The following NDOR1 variants were observed in gnomAD, a reference collection of about 807,000 sequenced individuals.
NDOR1 encodes the protein NADPH dependent diflavin oxidoreductase 1, also known as NADPH-dependent diflavin oxidoreductase 1.
A neutral mutation model predicts 67.2 loss-of-function variants in NDOR1; 61 were observed. The observed-to-expected ratio is 0.91, with a 90% CI of 0.74 to 1.12. The LOEUF is 1.12. NDOR1 is among the 50% of genes most tolerant of loss of function. NDOR1 has a pLI of 0.00. For missense variants in NDOR1, 878 were observed against 802.8 expected (o/e 1.09, Z -1.13); for synonymous variants, 378 against 343.7 (o/e 1.10, Z -1.10).
intron 2 of NDOR1, among the ~76,000 whole-genome samples, chr9:137,211,751 C>T (rs1315093732): frequency 6.6e-6 from 1 of 151,944 alleles, no homozygotes; most frequent in African/African-American, 2.4e-5. Flanking sequence ...TGTGGGCTGA[C>T]AAGGCCAGGG....
At chr9:137,209,259 G>A (rs1464349344) in intron 2 of NDOR1, among the ~76,000 whole-genome samples, 1 of 152,172 alleles carries the variant, frequency 6.6e-6, no homozygotes, top group Non-Finnish European at 1.5e-5. Flanking sequence ...GGCAGGGGAT[G>A]TGCAGCGGCT....
rs1394219172 is a variant in NDOR1 at position 137,218,750 on chromosome 9, T to C, written c.*2334T>C. On this transcript the variant is annotated 3_prime_UTR_variant, in exon 14 of 14. Coordinates refer to ENST00000684003, the MANE Select transcript of NDOR1 (RefSeq NM_014434.4). ...AGTGGCCTTCAATCAAGACCTCCCA[T>C]TGCTGAACCCACAACCAGGGCTACC... is the stretch of plus-strand genomic sequence containing the variant. 2 of 397,022 alleles carry C rather than the reference T, an allele frequency of 5.0e-6. No homozygotes were observed. The highest frequency in any genetic ancestry group is 8.9e-6 in the Non-Finnish European group (2 of 225,596). 24.6% of individuals were successfully genotyped at this position (397,022 alleles called of 1,614,324 possible). A position where few individuals can be genotyped will look rare whatever the true frequency, so the allele number is the denominator to read the frequency against.
At position 137,214,943 on chromosome 9, in the gene NDOR1, G is replaced by C; in HGVS notation, c.990G>C (p.Leu330=). The C allele has an allele frequency of 6.2e-7, 1 of 1,613,492 alleles. No individual in the cohort carries two copies. Among genetic ancestry groups the C allele is most frequent in the Non-Finnish European group, 8.5e-7 (1 of 1,180,032 alleles). ...TCCATGAGCTGGAGCGGGAGAAGCTGCTGGAGTTCAGTTCTGCCCAAGGCC... is the reference window on the plus strand; with the variant it reads ...TCCATGAGCTGGAGCGGGAGAAGCTCCTGGAGTTCAGTTCTGCCCAAGGCC... ...LSLHELEREK[L]LEFSSAQGQE... is the part of the protein sequence containing the mutation. The change falls in exon 8 of 14, where the codon CTG becomes CTC. Residue 330 remains leucine, a synonymous_variant. Transcript: ENST00000684003.
At position 137,205,873 on chromosome 9, in the gene NDOR1, G is replaced by A. The variant is rs375111678; in HGVS notation, c.96G>A (p.Arg32=). The change falls in exon 1 of 14, where the codon CGG becomes CGA. Residue 32 remains arginine (R), a synonymous_variant. Coordinates refer to ENST00000684003, the MANE Select transcript of NDOR1 (RefSeq NM_014434.4). ...ERLGREARRR[R]LGCRVQALDS... The stretch of plus-strand genomic sequence containing the variant: ...TGGGTCGCGAGGCCCGGCGCCGGCG[G>A]CTTGGCTGCCGGGTGCAGGCCCTGG... 4 of 1,599,578 alleles carry A rather than the reference G, an allele frequency of 2.5e-6. No individual in the cohort carries two copies. Among genetic ancestry groups the A allele is most frequent in the Admixed American group, 3.3e-5 (2 of 59,880 alleles).
In NDOR1 at chr9:137,218,509, G is replaced by A. The variant is rs1203340560; in HGVS notation, c.*2093G>A. 27 of 400,652 alleles carry A rather than the reference G, an allele frequency of 6.7e-5. No homozygotes were observed. The highest frequency in any genetic ancestry group is 1.1e-4 in the Non-Finnish European group (24 of 227,862). The allele number at this position is 400,652 out of a possible 1,614,324, so 24.8% of individuals were successfully genotyped here. ...CCCGCCGCCTGGCGCTGCTGAGCCT[G>A]CTGGCCCTTGAGCTTCTGGGGCTGC... On this transcript the variant is annotated 3_prime_UTR_variant, in exon 14 of 14. Coordinates refer to ENST00000684003, the MANE Select transcript of NDOR1 (RefSeq NM_014434.4).
Position 137,217,198 on chromosome 9 carries a change from C to G in NDOR1, c.*782C>G, listed in dbSNP as rs1835654703. Among the ~76,000 whole-genome samples, 1 of 152,154 alleles carries G rather than the reference C, an allele frequency of 6.6e-6. No homozygotes were observed. Among genetic ancestry groups the G allele is most frequent in the African/African-American group, 2.4e-5 (1 of 41,428 alleles). Reference sequence around the variant, plus strand: ...GGATGGGTGGGCGCCACGGTGCACCCTTGTTGGGCTGCCTGTGCCCGAGTG... The same window carrying G: ...GGATGGGTGGGCGCCACGGTGCACCGTTGTTGGGCTGCCTGTGCCCGAGTG... On this transcript the variant is annotated 3_prime_UTR_variant, in exon 14 of 14. Transcript: ENST00000684003.
chr9:137,215,436 G>C lies in NDOR1; in HGVS notation c.1203G>C (p.Val401=). The change falls in exon 10 of 14, where the codon GTG becomes GTC. Residue 401 remains valine, a synonymous_variant. Transcript: ENST00000684003. ...ACCCCTCACGGCTGCAGATCCTCGT[G>C]GCTGTAGTGCAGTTCCAGACTCGCC... ...LTHPSRLQIL[V]AVVQFQTRLK... The C allele has an allele frequency of 6.2e-7, 1 of 1,613,448 alleles. No individual in the cohort carries two copies. Among genetic ancestry groups the C allele is most frequent in the Non-Finnish European group, 8.5e-7 (1 of 1,179,940 alleles).
rs1406385567 is a variant in NDOR1 at position 137,209,402 on chromosome 9, G to A, written c.213+3093G>A. Among the ~76,000 whole-genome samples the A allele has an allele frequency of 2.0e-5, 3 of 152,186 alleles. No homozygotes were observed. The East Asian group carries it at 5.8e-4, about 29-fold the overall frequency. ...GCCCCAGAGCATGGGAGAGGAGAGGGACTGAGGCTGGGCTGGGCATTCAGT... is the reference window on the plus strand; with the variant it reads ...GCCCCAGAGCATGGGAGAGGAGAGGAACTGAGGCTGGGCTGGGCATTCAGT... On this transcript the variant is annotated intron_variant, in intron 2 of 13. Coordinates refer to ENST00000684003, the MANE Select transcript of NDOR1 (RefSeq NM_014434.4).
Position 137,217,613 on chromosome 9 carries a change from A to C in NDOR1, c.*1197A>C. 1 of 187,058 alleles carries C rather than the reference A, an allele frequency of 5.3e-6. No individual in the cohort carries two copies. Among genetic ancestry groups the C allele is most frequent in the Non-Finnish European group, 1.1e-5 (1 of 91,652 alleles). 11.6% of individuals were successfully genotyped at this position (187,058 alleles called of 1,614,324 possible). On this transcript the variant is annotated 3_prime_UTR_variant, in exon 14 of 14. Transcript: ENST00000684003. ...GCTGGGGACAGCACCGCGTGGGCCC[A>C]GGATCCACCCAGAGCAGGCAGGCCT...
At chr9:137,208,165 AAG>A (rs1483221038) in intron 2 of NDOR1, among the ~76,000 whole-genome samples, 3 of 136,802 alleles carry the variant, frequency 2.2e-5, no homozygotes, top group Non-Finnish European at 4.7e-5. Flanking sequence ...AAAAAAGAAA[AAG>A]AGCCGGGCAC....
rs112259103 is a variant in NDOR1, at chr9:137,207,112, C to T, written c.213+803C>T. Among the ~76,000 whole-genome samples, 577 of 151,974 alleles carry T rather than the reference C, an allele frequency of 3.8e-3. 6 individuals carry two copies. The highest frequency in any genetic ancestry group is 0.011 in the African/African-American group (471 of 41,418). On this transcript the variant is annotated intron_variant, in intron 2 of 13. Transcript: ENST00000684003. ...AGATGGGCTTGAAATGAAGGGTTGTCGGAACTGTAGGGGTGACACAGTCAT... is the reference window on the plus strand; with the variant it reads ...AGATGGGCTTGAAATGAAGGGTTGTTGGAACTGTAGGGGTGACACAGTCAT...
At position 137,214,871 on chromosome 9, in the gene NDOR1, C is replaced by T. The variant is rs1835464715; in HGVS notation, c.918C>T (p.Ala306=). The T allele has an allele frequency of 1.2e-6, 2 of 1,611,180 alleles. No individual in the cohort carries two copies. Among genetic ancestry groups the T allele is most frequent in the East Asian group, 2.2e-5 (1 of 44,892 alleles). ...RHLVSHYLDI[A]SVPRRSFFEL... is the part of the protein sequence containing the mutation. ...TCGTGTCCCACTACCTGGACATCGC[C>T]AGCGTGCCTCGCCGCTCCTTCTTCG... Residue 306 remains alanine, a synonymous_variant, in exon 8 of 14, where the codon GCC becomes GCT. Transcript: ENST00000684003.
rs1231593776 is a variant in NDOR1, at chr9:137,218,848, G to A, written c.*2432G>A. 6.7e-5 allele frequency: 26 copies of A among 388,640 alleles called. No individual in the cohort carries two copies. The highest frequency in any genetic ancestry group is 6.3e-4 in the Middle Eastern group (1 of 1,578). The allele number at this position is 388,640 out of a possible 1,614,324, so 24.1% of individuals were successfully genotyped here. A position where few individuals can be genotyped will look rare whatever the true frequency, so the allele number is the denominator to read the frequency against. On this transcript the variant is annotated 3_prime_UTR_variant, in exon 14 of 14. Transcript: ENST00000684003. ...ACTAGCTGAACCCAAGGACACCAGC[G>A]CCCAAGGACAGCTCCTGGAGGAGGC...
intron 2 of NDOR1, among the ~76,000 whole-genome samples, chr9:137,211,466 A>G (rs1835252691): frequency 6.6e-6 from 1 of 152,170 alleles, no homozygotes; most frequent in East Asian, 1.9e-4. Context: ...CAAGCCCAGG[A>G]CAGACCCAGC....
chr9:137,214,322 G>A lies in NDOR1; in HGVS notation c.631G>A (p.Ala211Thr). The change falls in exon 6 of 14, where the codon GCA becomes ACA. Residue 211 changes from alanine to threonine, a missense_variant. Ala to Thr is a moderately conservative substitution (Grantham distance 58). Coordinates refer to ENST00000684003, the MANE Select transcript of NDOR1 (RefSeq NM_014434.4). ...EPPSESKPFLAPMISNQRVTG... is the reference protein window; with the variant it reads ...EPPSESKPFLTPMISNQRVTG... ...CCCGTCAGAGTCGAAGCCCTTCCTA[G>A]CACCCATGATCTCCAACCAGAGAGT... The A allele has an allele frequency of 1.9e-6, 3 of 1,614,112 alleles. No homozygotes were observed. The highest frequency in any genetic ancestry group is 2.2e-5 in the South Asian group (2 of 91,086).
chr9:137,215,861 C>T (rs768475087), intron 11 of NDOR1, 38 bp from the exon 12 acceptor site: 1 of 1,611,954 alleles, frequency 6.2e-7, no homozygotes, highest in East Asian at 2.2e-5. Context: ...AGCTGAACCT[C>T]AAGGACCTGT....
At position 137,217,359 on chromosome 9, in the gene NDOR1, C is replaced by T. The variant is rs1361470079; in HGVS notation, c.*943C>T. ...AGGTGCTGGGAAGGCGGAACCAAGC[C>T]GTCCGTGCCGCTAGGGAGCCGAGAC... On this transcript the variant is annotated 3_prime_UTR_variant, in exon 14 of 14. Coordinates refer to ENST00000684003, the MANE Select transcript of NDOR1 (RefSeq NM_014434.4). 2 of 152,426 alleles carry T rather than the reference C, an allele frequency of 1.3e-5. No individual in the cohort carries two copies. Among genetic ancestry groups the T allele is most frequent in the Admixed American group, 6.5e-5 (1 of 15,290 alleles). The allele number at this position is 152,426 out of a possible 1,614,324, so 9.4% of individuals were successfully genotyped here.
At position 137,208,534 on chromosome 9, in the gene NDOR1, G is replaced by C. The variant is rs189828309; in HGVS notation, c.213+2225G>C. The stretch of plus-strand genomic sequence containing the variant: ...AAAAGGCTAAAGAGTTAAAAAGAAG[G>C]AGTTTTTTATGAGAGACGTTTGCCG... On this transcript the variant is annotated intron_variant, in intron 2 of 13. Transcript: ENST00000684003. Among the ~76,000 whole-genome samples, 854 of 151,072 alleles carry C rather than the reference G, an allele frequency of 5.7e-3. 5 individuals are homozygous for C. The highest frequency in any genetic ancestry group is 0.019 in the African/African-American group (791 of 41,224).
rs776746791 is a variant in NDOR1 at position 137,212,469 on chromosome 9, AG to A, written c.214-31del. The A allele has an allele frequency of 7.5e-6, 12 of 1,589,552 alleles. No homozygotes were observed. The highest frequency in any genetic ancestry group is 9.5e-6 in the Non-Finnish European group (11 of 1,157,736). On this transcript the variant is annotated intron_variant, in intron 2 of 13. Transcript: ENST00000684003. The surrounding 1 kb of genome is among the most constrained non-coding windows in gnomAD (Gnocchi z 4.3). ...TGCTGTGGGGCTAGCCTAGAGGTCG[AG>A]GACTCTGACTCAGAGTTTCCTCCGG...
Sources: gnomAD v4.1 joint callset for allele counts (sites outside exome capture counted in the v4.1 genomes callset) on GRCh38, gnomAD v4.1.1 for gene constraint, Gnocchi (gnomAD v3.1) non-coding constraint, MANE v1.5 for transcripts, NCBI Gene and HGNC (gene_info 2026-07-23, HGNC 2026-07-21) for gene names.